ADARB1: variants seen among roughly 807,000 people sequenced by gnomAD.
ADARB1 encodes double-stranded RNA-specific editase 1.
In ADARB1, 10 loss-of-function variants were observed where a neutral mutation model predicts 52.4. The ratio of observed to expected loss-of-function variants is 0.19; its 90% CI spans 0.12 to 0.32. The LOEUF (loss-of-function observed/expected upper bound fraction) is 0.32. Ranked by LOEUF, ADARB1 falls within the 10% of genes least tolerant of loss-of-function variation. The probability of loss-of-function intolerance (pLI) is 1.00; values close to 1 mark genes in which losing one functional copy is unlikely to be tolerated. For synonymous variants in ADARB1, 349 were observed against 371.1 expected, an observed-to-expected ratio of 0.94 and a Z score of 0.68; for missense variants, 643 against 922.3, an observed-to-expected ratio of 0.70 and a Z score of 3.92.
intron 8 of ADARB1, among the ~76,000 whole-genome samples, chr21:45,198,619 A>G (rs113635930): frequency 8.5e-5 from 13 of 152,302 alleles, no homozygotes; most frequent in African/African-American, 3.1e-4. Flanking sequence ...AGTGAGTTCT[A>G]GACATCGTTT....
chr21:45,155,254 G>A (rs183420432), intron 2 of ADARB1, among the ~76,000 whole-genome samples: 2 of 152,120 alleles, frequency 1.3e-5, no homozygotes, highest in South Asian at 4.1e-4. Context: ...TCCAAACGTA[G>A]AGAGGCCTGC....
At chr21:45,127,982 C>G (rs2088696832) in intron 1 of ADARB1, among the ~76,000 whole-genome samples, 1 of 152,182 alleles carries the variant, frequency 6.6e-6, no homozygotes, top group African/African-American at 2.4e-5. Flanking sequence ...CAAACCCGGG[C>G]AGAGCACGTG....
intron 1 of ADARB1, among the ~76,000 whole-genome samples, chr21:45,095,666 A>AC (rs1164294900): frequency 1.3e-5 from 2 of 151,440 alleles, no homozygotes; most frequent in Non-Finnish European, 2.9e-5. Context: ...CTCCAGCCTG[A>AC]CGTTCCAGCT....
At chr21:45,179,077 T>C (rs1394728691) in intron 4 of ADARB1, among the ~76,000 whole-genome samples, 1 of 152,194 alleles carries the variant, frequency 6.6e-6, no homozygotes, top group Non-Finnish European at 1.5e-5. Context: ...TGAATCGCCC[T>C]TTCCCTCTGG....
At chr21:45,088,367 C>A (rs913818935) in intron 1 of ADARB1, among the ~76,000 whole-genome samples, 3 of 152,164 alleles carry the variant, frequency 2.0e-5, no homozygotes, top group African/African-American at 7.2e-5. Context: ...GGCACATAAG[C>A]AACCTGGAGG....
intron 2 of ADARB1, chr21:45,134,737 G>A (rs768282998): frequency 3.8e-6 from 2 of 525,516 alleles, no homozygotes; most frequent in Non-Finnish European, 7.8e-6. Flanking sequence ...TGGCCAATGA[G>A]CACACCCTCA....
rs1459102696 is a variant in ADARB1 at position 45,176,123 on chromosome 21, C to G, written c.422C>G (p.Ser141Cys). Residue 141 changes from serine (S) to cysteine (C), a missense_variant, in exon 4 of 11, where the codon TCT (serine) becomes TGT (cysteine). Ser to Cys is a moderately radical substitution (Grantham distance 112, BLOSUM62 -1). Around this residue, in one of 2 missense-constraint regions of ADARB1, gnomAD observed 380 missense variants for 446.5 expected, o/e 0.85. Transcript: ENST00000348831. The surrounding 1 kb of genome is among the most constrained non-coding windows in gnomAD (Gnocchi z 5.8). Reference sequence around the variant, plus strand: ...CATGCTGCTGAGAAGGCCTTGAGGTCTTTCGTTCAGTTTCCTAATGCCTCT... The same window carrying G: ...CATGCTGCTGAGAAGGCCTTGAGGTGTTTCGTTCAGTTTCCTAATGCCTCT... ...KLHAAEKALR[S>C]FVQFPNASEA... 6.2e-7 allele frequency: 1 copy of G among 1,614,016 alleles called. No homozygotes were observed. Among genetic ancestry groups the G allele is most frequent in the Non-Finnish European group, 8.5e-7 (1 of 1,179,978 alleles).
chr21:45,136,664 C>T (rs900469518), intron 2 of ADARB1, among the ~76,000 whole-genome samples: 1 of 152,224 alleles, frequency 6.6e-6, no homozygotes, highest in East Asian at 1.9e-4. Flanking sequence ...GTAGAGCTGC[C>T]CCACCAGCCA....
intron 9 of ADARB1, among the ~76,000 whole-genome samples, chr21:45,219,279 A>G (rs2092920721): frequency 6.6e-6 from 1 of 152,148 alleles, no homozygotes; most frequent in Non-Finnish European, 1.5e-5. Flanking sequence ...TAATCCCAAC[A>G]CTTTGGGAGG....
At chr21:45,185,302 C>A (rs1247385158) in intron 8 of ADARB1, among the ~76,000 whole-genome samples, 1 of 152,248 alleles carries the variant, frequency 6.6e-6, no homozygotes, top group South Asian at 2.1e-4. Flanking sequence ...GGAGGCTCCA[C>A]GCTTCTAACA....
At chr21:45,117,179 T>G (rs923261474) in intron 1 of ADARB1, 12 of 152,242 alleles carry the variant, frequency 7.9e-5, no homozygotes, top group Non-Finnish European at 1.3e-4. Context: ...AAGGGAGCAG[T>G]TCTATCAGAT....
chr21:45,187,709 TTTA>T (rs2092154496), intron 8 of ADARB1, among the ~76,000 whole-genome samples: 1 of 152,200 alleles, frequency 6.6e-6, no homozygotes, highest in African/African-American at 2.4e-5. Context: ...GTTGAATGTA[TTTA>T]TTATTATTAA....
chr21:45,094,546 C>T (rs1358047594), intron 1 of ADARB1, among the ~76,000 whole-genome samples: 1 of 152,176 alleles, frequency 6.6e-6, no homozygotes, highest in African/African-American at 2.4e-5. Flanking sequence ...AGGGAACATC[C>T]TCTGTACATG....
At chr21:45,105,018 G>A (rs1343208328) in intron 1 of ADARB1, among the ~76,000 whole-genome samples, 2 of 152,236 alleles carry the variant, frequency 1.3e-5, no homozygotes, top group African/African-American at 4.8e-5. Flanking sequence ...GGCATGTGAA[G>A]CTTTGGCTTT....
intron 2 of ADARB1, among the ~76,000 whole-genome samples, chr21:45,146,784 G>T (rs1335695207): frequency 3.3e-5 from 5 of 152,214 alleles, no homozygotes; most frequent in African/African-American, 1.2e-4. Flanking sequence ...AGAATCCAGA[G>T]CTCAGACAGC....
chr21:45,159,262 G>C (rs540931264), intron 2 of ADARB1, among the ~76,000 whole-genome samples: 1 of 152,104 alleles, frequency 6.6e-6, no homozygotes, highest in African/African-American at 2.4e-5. Context: ...AGAACCAAGC[G>C]AAAGGGGAAA....
At chr21:45,166,079 C>G (rs2091243567) in intron 2 of ADARB1, among the ~76,000 whole-genome samples, 2 of 152,056 alleles carry the variant, frequency 1.3e-5, no homozygotes, top group Non-Finnish European at 1.5e-5. Context: ...TCTGATGCAT[C>G]TTTAATGTAA....
At chr21:45,147,139 C>G (rs1264998198) in intron 2 of ADARB1, among the ~76,000 whole-genome samples, 1 of 152,176 alleles carries the variant, frequency 6.6e-6, no homozygotes. Flanking sequence ...TTTCTCAGAC[C>G]TGGTTAATCA....
At chr21:45,107,890 A>G (rs1029820044) in intron 1 of ADARB1, among the ~76,000 whole-genome samples, 1 of 152,156 alleles carries the variant, frequency 6.6e-6, no homozygotes. Context: ...GGCAAAACCT[A>G]TTTTTACAAA....
Sources: gnomAD v4.1 joint callset for allele counts (sites outside exome capture counted in the v4.1 genomes callset) on GRCh38, gnomAD v4.1.1 for gene constraint, gnomAD v4.1.1 regional missense constraint, Gnocchi (gnomAD v3.1) non-coding constraint, MANE v1.5 for transcripts, NCBI Gene and HGNC (gene_info 2026-07-23, HGNC 2026-07-21) for gene names.